The following JAK2 variants were observed in gnomAD, a reference collection of about 807,000 sequenced individuals.
JAK2 encodes Janus kinase 2, also known as tyrosine-protein kinase JAK2.
In JAK2, 86 loss-of-function variants were observed where a neutral mutation model predicts 139.3. That is an observed-to-expected ratio of 0.62 (90% CI 0.52 to 0.74). The LOEUF (loss-of-function observed/expected upper bound fraction) is 0.74. JAK2 is among the 30% of genes least tolerant of loss of function. The probability of loss-of-function intolerance (pLI) is 0.00; values close to 1 mark genes in which losing one functional copy is unlikely to be tolerated. For synonymous variants in JAK2, 490 were observed against 437.7 expected, an observed-to-expected ratio of 1.12 and a Z score of -1.49; for missense variants, 1,421 against 1,360.3, an observed-to-expected ratio of 1.04 and a Z score of -0.70.
chr9:5,034,037 T>G (rs1823374320), intron 4 of JAK2, among the ~76,000 whole-genome samples: 1 of 152,050 alleles, frequency 6.6e-6, no homozygotes, highest in African/African-American at 2.4e-5. Flanking sequence ...AATAAAGGGA[T>G]GGAGGAACAT....
intron 14 of JAK2, among the ~76,000 whole-genome samples, chr9:5,074,847 A>C (rs1299360545): frequency 6.6e-6 from 1 of 152,192 alleles, no homozygotes; most frequent in African/African-American, 2.4e-5. Context: ...TTAGAGAGGA[A>C]GGCATGCTGA....
chr9:5,111,210 C>T (rs566390641), intron 22 of JAK2: 1 of 614,002 alleles, frequency 1.6e-6, no homozygotes, highest in Non-Finnish European at 3.0e-6. Context: ...GACTCGGAGG[C>T]AAGAGCAGCT....
In JAK2 at chr9:5,090,875, ATAAAGTAAAAGAACCTGGTGAAAG is replaced by A; in HGVS notation, c.3025_3048del (p.Lys1009_Ser1016del). ...GTCTTGCCACAAGACAAAGAATACTATAAAGTAAAAGAACCTGGTGAAAGTCCCATATTCTGGTGAGTATATTTC... is the reference window on the plus strand; with the variant it reads ...GTCTTGCCACAAGACAAAGAATACTATCCCATATTCTGGTGAGTATATTTC... On this transcript the variant is annotated inframe_deletion, in exon 22 of 25. Coordinates refer to ENST00000381652, the MANE Select transcript of JAK2 (RefSeq NM_004972.4). 1 of 1,609,516 alleles carries A rather than the reference ATAAAGTAAAAGAACCTGGTGAAAG, an allele frequency of 6.2e-7. No individual in the cohort carries two copies. Among genetic ancestry groups the A allele is most frequent in the Non-Finnish European group, 8.5e-7 (1 of 1,178,578 alleles).
intron 5 of JAK2, among the ~76,000 whole-genome samples, chr9:5,045,346 C>T (rs944182141): frequency 6.6e-6 from 1 of 152,054 alleles, no homozygotes; most frequent in South Asian, 2.1e-4. Context: ...AGTTTATGAA[C>T]AACAAAAGGA....
In JAK2 at chr9:5,050,747, A is replaced by T. The variant is rs1016673565; in HGVS notation, c.530A>T (p.Glu177Val). The T allele has an allele frequency of 1.2e-6, 2 of 1,613,638 alleles. No homozygotes were observed. Among genetic ancestry groups the T allele is most frequent in the Non-Finnish European group, 1.7e-6 (2 of 1,179,590 alleles). ...KVPVTHETQE[E>V]CLGMAVLDMM... ...CCTGTGACTCATGAAACACAGGAAG[A>T]ATGTCTTGGGATGGCAGTGTTAGAT... is the stretch of plus-strand genomic sequence containing the variant. Residue 177 changes from glutamate to valine, a missense_variant, in exon 6 of 25, where the codon GAA (glutamate) becomes GTA (valine). By Grantham distance (121) the Glu-to-Val change is moderately radical. Transcript: ENST00000381652.
intron 10 of JAK2, among the ~76,000 whole-genome samples, chr9:5,067,785 C>G (rs1407157704): frequency 1.3e-5 from 2 of 151,978 alleles, no homozygotes; most frequent in Non-Finnish European, 2.9e-5. Context: ...TTCAAATATA[C>G]AAAAAATTCT....
chr9:4,993,074 G>A (rs762723741), intron 2 of JAK2, among the ~76,000 whole-genome samples: 1 of 152,122 alleles, frequency 6.6e-6, no homozygotes, highest in South Asian at 2.1e-4. Flanking sequence ...TATAGCAACT[G>A]TCCCTTTCAT....
intron 10 of JAK2, among the ~76,000 whole-genome samples, chr9:5,067,791 A>T (rs1298077854): frequency 6.6e-6 from 1 of 152,196 alleles, no homozygotes; most frequent in Non-Finnish European, 1.5e-5. Flanking sequence ...TATACAAAAA[A>T]TTCTAAATCG....
chr9:5,085,941 T>C (rs1304673267), intron 19 of JAK2: 1 of 1,118,694 alleles, frequency 8.9e-7, no homozygotes, highest in East Asian at 2.4e-5. Flanking sequence ...CCAACCGAGT[T>C]TGAAAGGATC....
chr9:5,002,978 T>A (rs945704201), intron 2 of JAK2, among the ~76,000 whole-genome samples: 1 of 152,014 alleles, frequency 6.6e-6, no homozygotes. Context: ...CTAAGCCACA[T>A]GTTTTGAAAT....
At chr9:5,119,937 GAA>G (rs1272040890) in intron 22 of JAK2, among the ~76,000 whole-genome samples, 19 of 152,156 alleles carry the variant, frequency 1.2e-4, no homozygotes, top group African/African-American at 4.6e-4. Flanking sequence ...TTTAGAATAT[GAA>G]TTGATAAAAT....
chr9:5,065,555 C>T (rs989605097), intron 9 of JAK2, among the ~76,000 whole-genome samples: 5 of 152,154 alleles, frequency 3.3e-5, no homozygotes, highest in African/African-American at 1.2e-4. Context: ...GGCTGTTTAG[C>T]ATTTGAGATG....
chr9:5,026,881 A>G (rs1822817618), intron 3 of JAK2, among the ~76,000 whole-genome samples: 1 of 152,240 alleles, frequency 6.6e-6, no homozygotes, highest in South Asian at 2.1e-4. Flanking sequence ...ATGCACTCAC[A>G]TTTTAAGTTG....
At chr9:5,082,871 CAA>C (rs1324943144) in intron 19 of JAK2, among the ~76,000 whole-genome samples, 1 of 152,194 alleles carries the variant, frequency 6.6e-6, no homozygotes, top group Non-Finnish European at 1.5e-5. Context: ...CAGGTTGGGG[CAA>C]AGTTACAGAT....
At chr9:4,991,570 G>A (rs912924483) in intron 2 of JAK2, among the ~76,000 whole-genome samples, 3 of 152,084 alleles carry the variant, frequency 2.0e-5, no homozygotes, top group Admixed American at 6.5e-5. Flanking sequence ...TTGAGGGAAT[G>A]GACTAAATCT....
chr9:5,044,769 T>G (rs1816879841), intron 5 of JAK2, among the ~76,000 whole-genome samples: 1 of 152,208 alleles, frequency 6.6e-6, no homozygotes, highest in Non-Finnish European at 1.5e-5. Flanking sequence ...TTTTAGGACT[T>G]TAGATCATTT....
intron 4 of JAK2, among the ~76,000 whole-genome samples, chr9:5,033,886 A>T (rs1215339025): frequency 3.3e-5 from 5 of 152,206 alleles, no homozygotes; most frequent in Non-Finnish European, 7.3e-5. Context: ...ATTCACCCAT[A>T]ACAATATTAA....
At position 5,126,701 on chromosome 9, in the gene JAK2, A is replaced by G. The variant is rs1280328739; in HGVS notation, c.3309A>G (p.Thr1103=). ...GCPDEIYMIM[T]ECWNNNVNQR... ...CTTTACAGATCTATATGATCATGAC[A>G]GAATGCTGGAACAATAATGTAAATC... is the stretch of plus-strand genomic sequence containing the variant. The change falls in exon 25 of 25, where the codon ACA becomes ACG. Residue 1103 remains threonine (T), a synonymous_variant. Coordinates refer to ENST00000381652, the MANE Select transcript of JAK2 (RefSeq NM_004972.4). The G allele has an allele frequency of 6.2e-7, 1 of 1,609,764 alleles. No individual in the cohort carries two copies. The highest frequency in any genetic ancestry group is 1.1e-5 in the South Asian group (1 of 90,858).
rs1816855159 is a variant in JAK2 at position 5,044,516 on chromosome 9, C to T, written c.464C>T (p.Ala155Val). The stretch of plus-strand genomic sequence containing the variant: ...GACTTTGTCATGTCTTACCTCTTTG[C>T]TCAGGTATGATTATATTATCTTACT... ...LDDFVMSYLF[A>V]QWRHDFVHGW... Residue 155 changes from alanine to valine, a missense_variant, in exon 5 of 25, where the codon GCT (alanine) becomes GTT (valine). Ala to Val is a moderately conservative substitution (Grantham distance 64). Coordinates refer to ENST00000381652, the MANE Select transcript of JAK2 (RefSeq NM_004972.4). 10 of 1,554,426 alleles carry T rather than the reference C, an allele frequency of 6.4e-6. No homozygotes were observed. The highest frequency in any genetic ancestry group is 8.8e-6 in the Non-Finnish European group (10 of 1,129,972).
Sources: allele counts gnomAD v4.1 joint callset (sites outside exome capture counted in the v4.1 genomes callset), GRCh38; gene constraint gnomAD v4.1.1; transcripts MANE v1.5; gene names NCBI Gene and HGNC (gene_info 2026-07-23, HGNC 2026-07-21).